TTLL5: variants seen among roughly 807,000 people sequenced by gnomAD.
TTLL5 encodes the protein tubulin polyglutamylase TTLL5.
Under a neutral mutation model 168.4 loss-of-function variants are expected in TTLL5, and 132 were observed. The ratio of observed to expected loss-of-function variants is 0.78; its 90% CI spans 0.68 to 0.91. The LOEUF is 0.91. Among genes scored for constraint, TTLL5 ranks in the 40% least tolerant of loss-of-function variants. The pLI is 0.00. For missense variants in TTLL5, 1,545 were observed against 1,581.5 expected, an observed-to-expected ratio of 0.98 and a Z score of 0.39; for synonymous variants, 546 against 558.6, an observed-to-expected ratio of 0.98 and a Z score of 0.32.
chr14:75,916,689 G>A (rs1001405182), intron 31 of TTLL5, among the ~76,000 whole-genome samples: 1 of 152,154 alleles, frequency 6.6e-6, no homozygotes, highest in African/African-American at 2.4e-5. Flanking sequence ...CATTCTGTGT[G>A]CGTATGCCCA....
rs377012329 is a variant in TTLL5 at position 75,910,434 on chromosome 14, G to A, written c.3823+8210G>A. ...CAGTCCTGAACTGGGCAAGTAACCAGCATAAGGCTGCCCTTCTTTCTGTCT... is the reference window on the plus strand; with the variant it reads ...CAGTCCTGAACTGGGCAAGTAACCAACATAAGGCTGCCCTTCTTTCTGTCT... On this transcript the variant is annotated intron_variant, in intron 31 of 31. Coordinates refer to ENST00000298832, the MANE Select transcript of TTLL5 (RefSeq NM_015072.5). Among the ~76,000 whole-genome samples, 23 of 152,324 alleles carry A rather than the reference G, an allele frequency of 1.5e-4. No homozygotes were observed. In the South Asian group the frequency reaches 4.8e-3, roughly 32 times the overall value.
chr14:75,828,839 G>A (rs1209942483), intron 28 of TTLL5, among the ~76,000 whole-genome samples: 1 of 152,204 alleles, frequency 6.6e-6, no homozygotes, highest in Non-Finnish European at 1.5e-5. Context: ...ATGTGCAAAA[G>A]CAAGGGTGAA....
chr14:75,669,588 G>C, intron 3 of TTLL5, 66 bp downstream of exon 3: 1 of 1,411,604 alleles, frequency 7.1e-7, no homozygotes, highest in Non-Finnish European at 9.7e-7. Context: ...TCTTAAAGAA[G>C]TTGATATGAC....
intron 28 of TTLL5, among the ~76,000 whole-genome samples, chr14:75,832,882 T>G (rs1330986665): frequency 6.6e-6 from 1 of 152,188 alleles, no homozygotes; most frequent in Non-Finnish European, 1.5e-5. Context: ...GTGGGGTGGT[T>G]GTTTTCTTAA....
intron 3 of TTLL5, among the ~76,000 whole-genome samples, chr14:75,673,107 T>TA (rs370338659): frequency 5.0e-4 from 71 of 142,104 alleles, no homozygotes; most frequent in Admixed American, 1.1e-3. Flanking sequence ...GCTAGCTAAT[T>TA]AAAAAAAAAA....
chr14:75,791,630 T>C (rs561806479), intron 26 of TTLL5, among the ~76,000 whole-genome samples: 2 of 152,286 alleles, frequency 1.3e-5, no homozygotes, highest in South Asian at 2.1e-4. Context: ...TTGTTGATAA[T>C]GTAATTCCTG....
At chr14:75,915,275 G>A (rs1467328256) in intron 31 of TTLL5, among the ~76,000 whole-genome samples, 1 of 152,166 alleles carries the variant, frequency 6.6e-6, no homozygotes, top group Non-Finnish European at 1.5e-5. Context: ...TCTGACAGGT[G>A]TTGAGTATTG....
intron 17 of TTLL5, among the ~76,000 whole-genome samples, 186 bp from the exon 18 acceptor site, chr14:75,752,707 A>G (rs1049691185): frequency 5.3e-5 from 8 of 151,772 alleles, no homozygotes; most frequent in Non-Finnish European, 4.4e-5. Flanking sequence ...ATTTGTTTCT[A>G]TTCTAGTATC....
At chr14:75,915,421 C>T (rs2033581424) in intron 31 of TTLL5, among the ~76,000 whole-genome samples, 1 of 152,190 alleles carries the variant, frequency 6.6e-6, no homozygotes, top group South Asian at 2.1e-4. Context: ...CAGGGCCATG[C>T]AGCATTACCA....
intron 2 of TTLL5, among the ~76,000 whole-genome samples, chr14:75,666,517 G>A (rs981350669): frequency 1.6e-4 from 24 of 152,206 alleles, no homozygotes; most frequent in African/African-American, 5.8e-4. Context: ...ATTGTAAAAG[G>A]CTGGCTTTAT....
At chr14:75,686,375 G>A (rs79474706) in intron 5 of TTLL5, among the ~76,000 whole-genome samples, 3,392 of 152,064 alleles carry the variant, frequency 0.022, 108 homozygotes, top group African/African-American at 0.065. Flanking sequence ...AGTTCTCAAC[G>A]GGGTTCCTAA....
At chr14:75,918,131 G>T (rs1040903375) in intron 31 of TTLL5, among the ~76,000 whole-genome samples, 3 of 152,188 alleles carry the variant, frequency 2.0e-5, no homozygotes, top group Non-Finnish European at 4.4e-5. Context: ...AAAGACAGAT[G>T]CCAGGTCAAT....
chr14:75,763,602 T>C (rs572893461), intron 18 of TTLL5, among the ~76,000 whole-genome samples: 1 of 152,290 alleles, frequency 6.6e-6, no homozygotes, highest in South Asian at 2.1e-4. Flanking sequence ...CAATTAGATA[T>C]TGCGTTTGAG....
intron 1 of TTLL5, among the ~76,000 whole-genome samples, chr14:75,662,632 C>T (rs1259543644): frequency 6.6e-6 from 1 of 152,066 alleles, no homozygotes; most frequent in Non-Finnish European, 1.5e-5. Flanking sequence ...AGCCACCCTG[C>T]CCGGCCTGCA....
intron 5 of TTLL5, among the ~76,000 whole-genome samples, chr14:75,687,526 A>C (rs1396182870): frequency 6.6e-6 from 1 of 152,116 alleles, no homozygotes; most frequent in Non-Finnish European, 1.5e-5. Flanking sequence ...CACCTGCCTC[A>C]GCCTCCCAAA....
chr14:75,823,620 A>T (rs1441793180), intron 28 of TTLL5, among the ~76,000 whole-genome samples: 1 of 151,990 alleles, frequency 6.6e-6, no homozygotes, highest in Non-Finnish European at 1.5e-5. Context: ...AATTATTTTT[A>T]TCCACCTCTG....
intron 3 of TTLL5, among the ~76,000 whole-genome samples, chr14:75,672,089 A>G (rs1188546440): frequency 6.6e-6 from 1 of 152,158 alleles, no homozygotes; most frequent in African/African-American, 2.4e-5. Context: ...GGTGTTAGTC[A>G]AATGCTTTTT....
intron 17 of TTLL5, 110 bp downstream of exon 17, chr14:75,745,691 T>G: frequency 1.2e-6 from 1 of 810,056 alleles, no homozygotes; most frequent in East Asian, 2.7e-5. Flanking sequence ...CTTATTTTGT[T>G]TATTTATAAT....
chr14:75,945,243 AAT>A (rs2034733054), intron 31 of TTLL5, among the ~76,000 whole-genome samples: 1 of 147,700 alleles, frequency 6.8e-6, no homozygotes, highest in African/African-American at 2.5e-5. Context: ...TATTTTTTAT[AAT>A]ATATATTATA....
Sources: gnomAD v4.1 joint callset for allele counts (sites outside exome capture counted in the v4.1 genomes callset) on GRCh38, gnomAD v4.1.1 for gene constraint, MANE v1.5 for transcripts, NCBI Gene and HGNC (gene_info 2026-07-23, HGNC 2026-07-21) for gene names.